Variants in SMG1 observed in about 807,000 individuals in gnomAD.
The protein encoded by SMG1 is SMG1 nonsense mediated mRNA decay associated PI3K related kinase, also known as serine/threonine-protein kinase SMG1.
In SMG1, 22 loss-of-function variants were observed where a neutral mutation model predicts 419.9. The observed-to-expected ratio is 0.05, with a 90% confidence interval of 0.04 to 0.07. The LOEUF (loss-of-function observed/expected upper bound fraction) is 0.07. Ranked by LOEUF, SMG1 falls within the 10% of genes least tolerant of loss-of-function variation. SMG1 has a pLI of 1.00. For missense variants in SMG1, 3,185 were observed against 4,342.0 expected (o/e 0.73, Z 7.49); for synonymous variants, 1,538 against 1,553.5 (o/e 0.99, Z 0.23).
At chr16:18,895,269 A>AG (rs556498547) in intron 3 of SMG1, among the ~76,000 whole-genome samples, 85 of 151,864 alleles carry the variant, frequency 5.6e-4, no homozygotes, top group African/African-American at 1.9e-3. Flanking sequence ...ACTTGAGGTC[A>AG]GGAGTTCGAG....
Position 18,850,225 on chromosome 16 carries a change from T to C in SMG1, c.5283+12A>G, listed in dbSNP as rs1304337149. 8.1e-6 allele frequency: 13 copies of C among 1,597,264 alleles called. No individual in the cohort carries two copies. The highest frequency in any genetic ancestry group is 6.7e-5 in the African/African-American group (5 of 74,498). On this transcript the variant is annotated intron_variant, in intron 34 of 62. Coordinates refer to ENST00000446231, the MANE Select transcript of SMG1 (RefSeq NM_015092.5). ...TCCAAAATAAATTTTCTTAGAACAC[T>C]GTGCTACATACTTGACCAGCGTTGA...
intron 1 of SMG1, chr16:18,900,152 G>A (rs2037289324): frequency 3.2e-6 from 2 of 627,884 alleles, no homozygotes; most frequent in Non-Finnish European, 5.6e-6. Flanking sequence ...GTTGAACTAT[G>A]GTCCCATTAG....
chr16:18,836,371 T>C lies in SMG1; in HGVS notation c.7766A>G (p.Gln2589Arg). The change falls in exon 47 of 63, where the codon CAA becomes CGA. Residue 2589 changes from glutamine (Q) to arginine (R), a missense_variant. This residue lies in a region of SMG1 where 412 missense variants were observed against 546.6 expected (regional missense o/e 0.75). Coordinates refer to ENST00000446231, the MANE Select transcript of SMG1 (RefSeq NM_015092.5). ...AAGTCAACCCATACCAAGGTCCATTTGTGTGCTTATCTCTTGAAGCAAGCT... is the reference window on the plus strand; with the variant it reads ...AAGTCAACCCATACCAAGGTCCATTCGTGTGCTTATCTCTTGAAGCAAGCT... ...LASLLQEIST[Q>R]MDLGPPSYVP... 1.2e-6 allele frequency: 2 copies of C among 1,613,828 alleles called. No individual in the cohort carries two copies. Among genetic ancestry groups the C allele is most frequent in the Non-Finnish European group, 1.7e-6 (2 of 1,179,786 alleles).
chr16:18,872,711 T>C, intron 13 of SMG1, 87 bp from the exon 14 acceptor site: 2 of 1,169,380 alleles, frequency 1.7e-6, no homozygotes, highest in Non-Finnish European at 1.2e-6. Context: ...TAGGGGTATC[T>C]GGACATTTTT....
chr16:18,827,500 A>AAT (rs1236740802), intron 55 of SMG1, among the ~76,000 whole-genome samples: 16 of 126,186 alleles, frequency 1.3e-4, no homozygotes, highest in African/African-American at 4.6e-4. Flanking sequence ...AATATACCAA[A>AAT]ATATATATTT....
intron 1 of SMG1, among the ~76,000 whole-genome samples, chr16:18,924,608 A>T (rs552869032): frequency 2.8e-4 from 42 of 152,186 alleles, no homozygotes; most frequent in Non-Finnish European, 4.7e-4. Flanking sequence ...TATTTAAAGC[A>T]CTCACAAACT....
intron 18 of SMG1, among the ~76,000 whole-genome samples, chr16:18,870,315 A>T (rs1334861179): frequency 6.6e-6 from 1 of 152,238 alleles, no homozygotes; most frequent in South Asian, 2.1e-4. Context: ...ATCAAAAACA[A>T]TAAAAGATTA....
At chr16:18,911,515 A>C (rs551248554) in intron 1 of SMG1, 1 of 152,334 alleles carries the variant, frequency 6.6e-6, no homozygotes, top group East Asian at 1.9e-4. Context: ...TCAAAAAAAA[A>C]GAAAATGTAG....
intron 1 of SMG1, among the ~76,000 whole-genome samples, chr16:18,918,017 T>C (rs1287693594): frequency 2.6e-5 from 4 of 151,430 alleles, no homozygotes; most frequent in Non-Finnish European, 5.9e-5. Flanking sequence ...TCCCAGCACT[T>C]TGGGAGGCTG....
chr16:18,830,119 T>A lies in SMG1; in HGVS notation c.8944-4A>T, dbSNP rs781469423. 1.9e-6 allele frequency: 3 copies of A among 1,601,142 alleles called. No individual in the cohort carries two copies. The highest frequency in any genetic ancestry group is 2.6e-6 in the Non-Finnish European group (3 of 1,172,872). ...TGGGAATTTCCATCTTGTTCAACTATGTAAATGAAAGAAAACAAAGTTCAT... is the reference window on the plus strand; with the variant it reads ...TGGGAATTTCCATCTTGTTCAACTAAGTAAATGAAAGAAAACAAAGTTCAT... On this transcript the variant is annotated splice_polypyrimidine_tract_variant and splice_region_variant and intron_variant, in intron 52 of 62. Coordinates refer to ENST00000446231, the MANE Select transcript of SMG1 (RefSeq NM_015092.5).
In SMG1 at chr16:18,812,046, G is replaced by A; in HGVS notation, c.10703C>T (p.Ala3568Val). Residue 3568 changes from alanine (A) to valine (V), a missense_variant, in exon 61 of 63, where the codon GCT (alanine) becomes GTT (valine). By Grantham distance (64) the Ala-to-Val change is moderately conservative. Transcript: ENST00000446231. Reference sequence around the variant, plus strand: ...GCTTGGTGGAGTATCAGCTGATGTAGCAAGATTTTTTTGGATCAGCTTTCT... The same window carrying A: ...GCTTGGTGGAGTATCAGCTGATGTAACAAGATTTTTTTGGATCAGCTTTCT... Reference protein sequence around the residue: ...NARKLIQKNLATSADTPPSTV... With the variant: ...NARKLIQKNLVTSADTPPSTV... The A allele has an allele frequency of 6.2e-7, 1 of 1,613,932 alleles. No individual in the cohort carries two copies. The highest frequency in any genetic ancestry group is 8.5e-7 in the Non-Finnish European group (1 of 1,179,864).
At chr16:18,891,469 C>A (rs71382577) in intron 4 of SMG1, among the ~76,000 whole-genome samples, 14,274 of 147,042 alleles carry the variant, frequency 0.097, 729 homozygotes, top group Middle Eastern at 0.18. Context: ...GAGTTTCACT[C>A]TTTTTGCCCA....
chr16:18,816,487 A>C lies in SMG1; in HGVS notation c.10117T>G (p.Leu3373Val). Residue 3373 changes from leucine (L) to valine (V), a missense_variant, in exon 58 of 63, where the codon TTG becomes GTG. Leu to Val is a conservative substitution (Grantham distance 32). This residue lies in a region of SMG1 where 737 missense variants were observed against 846.6 expected (regional missense o/e 0.87). Coordinates refer to ENST00000446231, the MANE Select transcript of SMG1 (RefSeq NM_015092.5). ...TGGGTCAACTGTTTGTGTGCTGACA[A>C]AAGCCATTCAGAGCTGCCAATAGGA... ...EHPIGSSEWL[L>V]SAHKQLTQDM... 1 of 1,613,966 alleles carries C rather than the reference A, an allele frequency of 6.2e-7. No homozygotes were observed. The highest frequency in any genetic ancestry group is 8.5e-7 in the Non-Finnish European group (1 of 1,179,868).
intron 1 of SMG1, among the ~76,000 whole-genome samples, chr16:18,908,560 A>T (rs2037667755): frequency 6.6e-6 from 1 of 152,042 alleles, no homozygotes. Context: ...TAATCAAGGT[A>T]AAGGTGAAGT....
In SMG1 at chr16:18,816,534, A is replaced by G; in HGVS notation, c.10075-5T>C. ...AGGATGTTCAAGACCAGTGTCCTAA[A>G]TAGAACAAGCATTTGTTTGACTTCG... On this transcript the variant is annotated splice_polypyrimidine_tract_variant and splice_region_variant and intron_variant, in intron 57 of 62. Coordinates refer to ENST00000446231, the MANE Select transcript of SMG1 (RefSeq NM_015092.5). 6.2e-7 allele frequency: 1 copy of G among 1,612,106 alleles called. No homozygotes were observed.
intron 18 of SMG1, 25 bp downstream of exon 18, chr16:18,870,585 C>A (rs1436254802): frequency 7.0e-7 from 1 of 1,428,776 alleles, no homozygotes; most frequent in African/African-American, 1.4e-5. Flanking sequence ...CACAGAATGT[C>A]TTTGCTCCAA....
chr16:18,812,550 TTA>T (rs1402226541), intron 60 of SMG1, among the ~76,000 whole-genome samples: 1 of 150,928 alleles, frequency 6.6e-6, no homozygotes, highest in African/African-American at 2.4e-5. Context: ...GTGAACTATT[TTA>T]TATATATATA....
chr16:18,866,678 G>C lies in SMG1; in HGVS notation c.3293C>G (p.Ser1098Cys). 1 of 1,594,484 alleles carries C rather than the reference G, an allele frequency of 6.3e-7. No individual in the cohort carries two copies. Among genetic ancestry groups the C allele is most frequent in the Non-Finnish European group, 8.5e-7 (1 of 1,177,042 alleles). The change falls in exon 23 of 63, where the codon TCT becomes TGT. Residue 1098 changes from serine (S) to cysteine (C), a missense_variant. This residue lies in a region of SMG1 where 121 missense variants were observed against 125.4 expected (regional missense o/e 0.96). Transcript: ENST00000446231. Reference protein sequence around the residue: ...AIQGIAVWSSSIVGKNLLWIN... With the variant: ...AIQGIAVWSSCIVGKNLLWIN... ...CCACAGAAGATTTTTTCCAACAATA[G>C]ATGATGACCAGACAGCAATTCCCTG... is the stretch of plus-strand genomic sequence containing the variant.
chr16:18,842,014 T>C (rs765206615), intron 40 of SMG1, among the ~76,000 whole-genome samples, 194 bp downstream of exon 40: 4 of 152,180 alleles, frequency 2.6e-5, no homozygotes, highest in East Asian at 1.9e-4. Context: ...ATACACAAAG[T>C]GGGGGTGGAA....
Sources: gnomAD v4.1 joint callset for allele counts (sites outside exome capture counted in the v4.1 genomes callset) on GRCh38, gnomAD v4.1.1 for gene constraint, gnomAD v4.1.1 regional missense constraint, MANE v1.5 for transcripts, NCBI Gene and HGNC (gene_info 2026-07-23, HGNC 2026-07-21) for gene names.